RCC1L: variants seen among roughly 807,000 people sequenced by gnomAD.
RCC1L encodes the protein RCC1-like G exchanging factor-like protein.
Under a neutral mutation model 58.6 loss-of-function variants are expected in RCC1L, and 46 were observed. The observed-to-expected ratio is 0.79, with a 90% CI of 0.62 to 1.00. RCC1L has a LOEUF of 1.00. Ranked by LOEUF, RCC1L falls within the 50% of genes least tolerant of loss-of-function variation. RCC1L has a pLI of 0.00. For missense variants in RCC1L, 636 were observed against 623.6 expected, an observed-to-expected ratio of 1.02 and a Z score of -0.21; for synonymous variants, 281 against 262.9, an observed-to-expected ratio of 1.07 and a Z score of -0.67.
chr7:75,034,294 T>C lies in RCC1L; in HGVS notation c.1318-6215A>G, dbSNP rs924452351. 1.9e-4 allele frequency among the ~76,000 whole-genome samples: 29 copies of C among 152,098 alleles called. 1 individual carries two copies. The highest frequency in any genetic ancestry group is 6.8e-4 in the African/African-American group (28 of 41,404). ...ACTTTAGGAGTCCAAGGTGGGCGGA[T>C]TGTCTGAGCTCAGAGGTTCAAGACC... On this transcript the variant is annotated intron_variant, in intron 10 of 10. Coordinates refer to the RCC1L transcript ENST00000614461.
chr7:75,057,299 TAGAGACA>T (rs1806111719), intron 8 of RCC1L, among the ~76,000 whole-genome samples: 1 of 152,070 alleles, frequency 6.6e-6, no homozygotes, highest in Admixed American at 6.6e-5. Context: ...CATTTTTTGG[TAGAGACA>T]GGGTCTCGTT....
Position 75,064,621 on chromosome 7 carries a change from C to T in RCC1L, c.611G>A (p.Gly204Glu). ...TTCGACCACCTTTCTTCCACATTGC[C>T]CATAAGAATTGTTTCCCATGCTGAA... ...GVFSMGNNSYGQCGRKVVENE... is the reference protein window; with the variant it reads ...GVFSMGNNSYEQCGRKVVENE... Residue 204 changes from glycine to glutamate, a missense_variant, in exon 4 of 11, where the codon GGG becomes GAG. Transcript: ENST00000610322. 6.2e-7 allele frequency: 1 copy of T among 1,613,810 alleles called. No homozygotes were observed. Among genetic ancestry groups the T allele is most frequent in the South Asian group, 1.1e-5 (1 of 91,064 alleles).
At position 75,064,623 on chromosome 7, in the gene RCC1L, A is replaced by G. The variant is rs906870535; in HGVS notation, c.609T>C (p.Tyr203=). 1.7e-5 allele frequency: 27 copies of G among 1,613,700 alleles called. No homozygotes were observed. Among genetic ancestry groups the G allele is most frequent in the African/African-American group, 9.3e-5 (7 of 74,884 alleles). The change falls in exon 4 of 11, where the codon TAT becomes TAC. Residue 203 remains tyrosine, a synonymous_variant. Coordinates refer to ENST00000610322, the MANE Select transcript of RCC1L (RefSeq NM_030798.5). ...EGVFSMGNNS[Y]GQCGRKVVEN... ...CGACCACCTTTCTTCCACATTGCCC[A>G]TAAGAATTGTTTCCCATGCTGAAGA...
At chr7:75,060,517 G>A (rs1301660744) in intron 6 of RCC1L, among the ~76,000 whole-genome samples, 6 of 152,142 alleles carry the variant, frequency 3.9e-5, no homozygotes, top group Non-Finnish European at 7.3e-5. Context: ...AGCAACCTCC[G>A]CCTCCCGGGT....
At chr7:75,034,227 T>A (rs1805384669) in intron 10 of RCC1L, among the ~76,000 whole-genome samples, 1 of 151,666 alleles carries the variant, frequency 6.6e-6, no homozygotes, top group East Asian at 1.9e-4. Flanking sequence ...GAAAGAAAGG[T>A]GATTGCAGCT....
chr7:75,067,865 T>A (rs587753908), intron 2 of RCC1L, among the ~76,000 whole-genome samples: 38 of 151,776 alleles, frequency 2.5e-4, no homozygotes, highest in African/African-American at 8.9e-4. Flanking sequence ...CCCAAAAAAT[T>A]AAACTGTTGG....
At chr7:75,041,679 T>C (rs1202265988), downstream of RCC1L, among the ~76,000 whole-genome samples, 16 of 151,652 alleles carry the variant, frequency 1.1e-4, no homozygotes, top group African/African-American at 3.9e-4. Flanking sequence ...GCCAACGTGG[T>C]GAAACCCCAT....
At chr7:75,032,092 G>C (rs1219924471) in intron 10 of RCC1L, among the ~76,000 whole-genome samples, 1 of 152,196 alleles carries the variant, frequency 6.6e-6, no homozygotes, top group Non-Finnish European at 1.5e-5. Context: ...GCCCAACTCT[G>C]ATTTGACATG....
chr7:75,033,127 C>T (rs1424923546), intron 10 of RCC1L, among the ~76,000 whole-genome samples: 6 of 148,820 alleles, frequency 4.0e-5, no homozygotes, highest in South Asian at 2.1e-4. Flanking sequence ...CATCCATGGG[C>T]GATCCTGACT....
At chr7:75,064,444 C>A in intron 4 of RCC1L, 138 bp downstream of exon 4, 1 of 889,174 alleles carries the variant, frequency 1.1e-6, no homozygotes, top group Non-Finnish European at 1.9e-6. Flanking sequence ...ACAGCACTCC[C>A]CCAGCTTTCT....
chr7:75,046,631 G>A (rs919810179), intron 10 of RCC1L, among the ~76,000 whole-genome samples: 1 of 152,204 alleles, frequency 6.6e-6, no homozygotes, highest in Non-Finnish European at 1.5e-5. Context: ...ACTGCCCTCA[G>A]CCATGTTTTA....
chr7:75,028,255 A>G (rs1238557600), intron 10 of RCC1L, among the ~76,000 whole-genome samples: 3 of 151,466 alleles, frequency 2.0e-5, no homozygotes, highest in Non-Finnish European at 2.9e-5. Flanking sequence ...CAAGTAGGTG[A>G]GATTACAGGC....
At chr7:75,064,331 A>C (rs1806382028) in intron 4 of RCC1L, among the ~76,000 whole-genome samples, 1 of 36,180 alleles carries the variant, frequency 2.8e-5, no homozygotes, top group African/African-American at 5.3e-5. Flanking sequence ...TCCATCTCAA[A>C]AAAAAAAAAA....
intron 10 of RCC1L, among the ~76,000 whole-genome samples, chr7:75,045,869 C>T (rs1225756549): frequency 8.5e-5 from 13 of 152,338 alleles, no homozygotes; most frequent in East Asian, 5.8e-4. Flanking sequence ...CTGGCTTGGC[C>T]GGAAGACCCC....
At chr7:75,028,916 CCT>C (rs1805219604) in intron 10 of RCC1L, among the ~76,000 whole-genome samples, 1 of 152,322 alleles carries the variant, frequency 6.6e-6, no homozygotes, top group African/African-American at 2.4e-5. Flanking sequence ...ATTCTCACCT[CCT>C]CTCACCTCCA....
intron 10 of RCC1L, among the ~76,000 whole-genome samples, chr7:75,036,494 C>T (rs1329372293): frequency 2.0e-5 from 3 of 152,148 alleles, no homozygotes; most frequent in Non-Finnish European, 2.9e-5. Flanking sequence ...ACAAGACACA[C>T]ACCCTTGAAA....
chr7:75,046,181 AAAC>A (rs1394875848), intron 10 of RCC1L, among the ~76,000 whole-genome samples: 1 of 152,222 alleles, frequency 6.6e-6, no homozygotes, highest in East Asian at 1.9e-4. Context: ...CCCTGTCCCT[AAAC>A]AAATGAATGT....
Position 75,056,402 on chromosome 7 carries a change from G to A in RCC1L, c.1058-328C>T, listed in dbSNP as rs1412894969. On this transcript the variant is annotated intron_variant, in intron 8 of 10. Coordinates refer to ENST00000610322, the MANE Select transcript of RCC1L (RefSeq NM_030798.5). ...CCAGAAAACCCATACGAATACCAGA[G>A]AATTGGAGGATGTTTTCTCCCCCTA... is the stretch of plus-strand genomic sequence containing the variant. 5 of 998,944 alleles carry A rather than the reference G, an allele frequency of 5.0e-6. No individual in the cohort carries two copies. In the East Asian group the frequency reaches 1.4e-4, roughly 28 times the overall value. The allele number at this position is 998,944 out of a possible 1,614,324, so 61.9% of individuals were successfully genotyped here.
At position 75,064,573 on chromosome 7, in the gene RCC1L, G is replaced by C. The variant is rs1554444831; in HGVS notation, c.650+9C>G. On this transcript the variant is annotated intron_variant, in intron 4 of 10. Transcript: ENST00000610322. ...AACATGGGGAAGGGTAGGCCTTTTA[G>C]GAACTCACCTGTAAATTTCATTTTC... The C allele has an allele frequency of 6.2e-7, 1 of 1,613,752 alleles. No individual in the cohort carries two copies. The highest frequency in any genetic ancestry group is 1.1e-5 in the South Asian group (1 of 91,064).
Sources: allele counts gnomAD v4.1 joint callset (sites outside exome capture counted in the v4.1 genomes callset), GRCh38; gene constraint gnomAD v4.1.1; transcripts MANE v1.5; gene names NCBI Gene and HGNC (gene_info 2026-07-23, HGNC 2026-07-21).